The following DPYD variants were observed in gnomAD, a reference collection of about 807,000 sequenced individuals.
The protein encoded by DPYD is dihydropyrimidine dehydrogenase.
DPYD carries 109 observed loss-of-function variants against 116.2 expected under a neutral mutation model. The observed-to-expected ratio is 0.94, with a 90% confidence interval of 0.80 to 1.10. DPYD has a LOEUF of 1.10. Among genes scored for constraint, DPYD ranks in the 50% least tolerant of loss-of-function variants. The probability of loss-of-function intolerance (pLI) is 0.00; values close to 1 mark genes in which losing one functional copy is unlikely to be tolerated. For synonymous variants in DPYD, 440 were observed against 432.0 expected (o/e 1.02, Z -0.23); for missense variants, 1,302 against 1,254.5 (o/e 1.04, Z -0.57).
Position 97,376,865 on chromosome 1 carries a change from T to TTG in DPYD, c.1975-3223_1975-3222dup, listed in dbSNP as rs66598688. Among the ~76,000 whole-genome samples, 535 of 134,684 alleles carry TTG rather than the reference T, an allele frequency of 4.0e-3. 10 individuals carry two copies. Among genetic ancestry groups the TTG allele is most frequent in the Middle Eastern group, 0.012 (3 of 260 alleles). 88.4% of individuals were successfully genotyped at this position (134,684 alleles called of 152,430 possible). On this transcript the variant is annotated intron_variant, in intron 15 of 22. Coordinates refer to ENST00000370192, the MANE Select transcript of DPYD (RefSeq NM_000110.4). ...TCTATACACAGTAGAAAGAGAGAGT[T>TTG]TGTGTGTGTGTGTGTGTGTGTGTAT...
At chr1:97,091,182 G>C (rs995101701) in intron 21 of DPYD, among the ~76,000 whole-genome samples, 1 of 152,140 alleles carries the variant, frequency 6.6e-6, no homozygotes, top group Non-Finnish European at 1.5e-5. Flanking sequence ...AGCAGATGGG[G>C]AATAATGTGC....
intron 8 of DPYD, among the ~76,000 whole-genome samples, chr1:97,656,687 G>A (rs1658921286): frequency 6.6e-6 from 1 of 151,968 alleles, no homozygotes; most frequent in Admixed American, 6.6e-5. Flanking sequence ...GACAATCCAG[G>A]ACAGGATATA....
intron 8 of DPYD, among the ~76,000 whole-genome samples, chr1:97,656,006 A>C (rs1000590366): frequency 6.6e-6 from 1 of 152,336 alleles, no homozygotes; most frequent in East Asian, 1.9e-4. Context: ...ATAAAGGCTT[A>C]GAAGACAAGA....
chr1:97,246,288 C>G (rs1472330499), intron 18 of DPYD, among the ~76,000 whole-genome samples: 7 of 152,148 alleles, frequency 4.6e-5, no homozygotes, highest in Non-Finnish European at 1.0e-4. Context: ...GAAGAGATGT[C>G]TCTTCTCAGC....
intron 16 of DPYD, among the ~76,000 whole-genome samples, chr1:97,328,998 T>C (rs892064054): frequency 1.3e-5 from 2 of 152,186 alleles, no homozygotes; most frequent in African/African-American, 4.8e-5. Flanking sequence ...ATAATTTGTT[T>C]AAAGTTTGAT....
chr1:97,113,971 T>C (rs1651783289), intron 20 of DPYD, among the ~76,000 whole-genome samples: 2 of 152,110 alleles, frequency 1.3e-5, no homozygotes, highest in Admixed American at 1.3e-4. Context: ...TAAGTCTCCT[T>C]CTCATCATTG....
chr1:97,587,550 G>A (rs1240805256), intron 10 of DPYD, among the ~76,000 whole-genome samples: 7 of 152,114 alleles, frequency 4.6e-5, no homozygotes, highest in African/African-American at 1.2e-4. Context: ...TTTAGGCCAC[G>A]CACGGTGGCT....
In DPYD at chr1:97,515,779, C is replaced by G. The variant is rs1467976981; in HGVS notation, c.1687G>C (p.Ala563Pro). 1 of 1,612,880 alleles carries G rather than the reference C, an allele frequency of 6.2e-7. No homozygotes were observed. Among genetic ancestry groups the G allele is most frequent in the Non-Finnish European group, 8.5e-7 (1 of 1,179,242 alleles). Residue 563 changes from alanine to proline, a missense_variant, in exon 13 of 23, where the codon GCT becomes CCT. Transcript: ENST00000370192. ...PATSTSMIRR[A>P]FEAGWGFALT... ...GCAAAACCCCATCCAGCTTCAAAAG[C>G]TCTTCGAATCATTGATGTGCTGGTG...
intron 3 of DPYD, among the ~76,000 whole-genome samples, chr1:97,752,403 C>A (rs528019285): frequency 6.6e-6 from 1 of 151,842 alleles, no homozygotes; most frequent in Non-Finnish European, 1.5e-5. Flanking sequence ...ATGTTGATTA[C>A]GCCAAGTGAA....
chr1:97,318,544 T>A (rs1570505050), intron 16 of DPYD, among the ~76,000 whole-genome samples: 1 of 151,738 alleles, frequency 6.6e-6, no homozygotes, highest in African/African-American at 2.4e-5. Context: ...TCCTAAATAT[T>A]TATGCAACCA....
At chr1:97,899,743 A>T (rs76266880) in intron 1 of DPYD, among the ~76,000 whole-genome samples, 4,987 of 152,042 alleles carry the variant, frequency 0.033, 129 homozygotes, top group Middle Eastern at 0.065. Context: ...TTTATATAGG[A>T]ATCTTAGGTA....
At chr1:97,843,214 A>G (rs1670124047) in intron 2 of DPYD, among the ~76,000 whole-genome samples, 2 of 152,110 alleles carry the variant, frequency 1.3e-5, no homozygotes, top group Admixed American at 1.3e-4. Context: ...TGGAAAAGTT[A>G]CCCAATGCAT....
chr1:97,745,501 C>T lies in DPYD; in HGVS notation c.234-5022G>A, dbSNP rs77170052. Among the ~76,000 whole-genome samples the T allele has an allele frequency of 3.8e-4, 58 of 152,190 alleles. No individual in the cohort carries two copies. In the East Asian group the frequency reaches 0.01, roughly 27 times the overall value. ...TTGTTGGATGATAATAACCAGGAAG[C>T]TGGGAATAAAACACAGTTGAGAACT... On this transcript the variant is annotated intron_variant, in intron 3 of 22. Transcript: ENST00000370192.
chr1:97,371,194 A>C (rs1671293645), intron 16 of DPYD, among the ~76,000 whole-genome samples: 1 of 152,178 alleles, frequency 6.6e-6, no homozygotes, highest in Non-Finnish European at 1.5e-5. Flanking sequence ...TTTGAGATAA[A>C]GGAGAAAAAA....
chr1:97,376,890 T>TATATATATATATATATATATAG (rs1671664080), intron 15 of DPYD, among the ~76,000 whole-genome samples: 1 of 145,734 alleles, frequency 6.9e-6, no homozygotes, highest in Non-Finnish European at 1.5e-5. Context: ...TGTGTGTGTA[T>TATATATATATATATATATATAG]ATATATATAT....
chr1:97,086,238 G>C (rs972321899), intron 21 of DPYD, among the ~76,000 whole-genome samples: 1 of 152,076 alleles, frequency 6.6e-6, no homozygotes, highest in Non-Finnish European at 1.5e-5. Context: ...ATTTTTAGTA[G>C]AGCCGGGTTT....
chr1:97,583,778 T>C (rs971212682), intron 10 of DPYD, among the ~76,000 whole-genome samples: 4 of 152,100 alleles, frequency 2.6e-5, no homozygotes, highest in Admixed American at 6.5e-5. Context: ...TTTTTAACAG[T>C]TTAAAATAAA....
At chr1:97,131,329 C>T (rs967177127) in intron 20 of DPYD, among the ~76,000 whole-genome samples, 2 of 151,946 alleles carry the variant, frequency 1.3e-5, no homozygotes, top group Non-Finnish European at 2.9e-5. Flanking sequence ...GGTATTTTTC[C>T]CTGCTATAAT....
At chr1:97,780,194 C>G (rs963807139) in intron 3 of DPYD, among the ~76,000 whole-genome samples, 22 of 152,100 alleles carry the variant, frequency 1.4e-4, no homozygotes, top group African/African-American at 5.3e-4. Flanking sequence ...TCGAATTAAG[C>G]AGAATTACTA....
Sources: gnomAD v4.1 joint callset for allele counts (sites outside exome capture counted in the v4.1 genomes callset) on GRCh38, gnomAD v4.1.1 for gene constraint, MANE v1.5 for transcripts, NCBI Gene and HGNC (gene_info 2026-07-23, HGNC 2026-07-21) for gene names.